Variants in NOXRED1 observed in about 807,000 individuals in gnomAD.
NOXRED1 encodes NADP-dependent oxidoreductase domain-containing protein 1.
NOXRED1 carries 20 observed loss-of-function variants against 30.4 expected under a neutral mutation model. That is an observed-to-expected ratio of 0.66 (90% CI 0.46 to 0.96). The LOEUF (loss-of-function observed/expected upper bound fraction) is 0.96, where lower values mean the gene tolerates loss of function less well. Among genes scored for constraint, NOXRED1 ranks in the 40% least tolerant of loss-of-function variants. The probability of loss-of-function intolerance (pLI) is 0.00; values close to 1 mark genes in which losing one functional copy is unlikely to be tolerated. For synonymous variants in NOXRED1, 155 were observed against 168.0 expected (o/e 0.92, Z 0.60); for missense variants, 374 against 428.0 (o/e 0.87, Z 1.11).
rs1415355841 is a variant in NOXRED1 at position 77,414,095 on chromosome 14, T to G, written c.188A>C (p.His63Pro). 2 of 1,600,438 alleles carry G rather than the reference T, an allele frequency of 1.2e-6. No individual in the cohort carries two copies. The highest frequency in any genetic ancestry group is 1.7e-6 in the Non-Finnish European group (2 of 1,169,612). ...ASLNKNQSSR[H>P]LSIGSLNSAT... ...TGAATTAAGGGAGCCAATTGAGAGA[T>G]GTCTGGAACTTTGATTCTTATTTAA... is the stretch of plus-strand genomic sequence containing the variant. The change falls in exon 2 of 6, where the codon CAT becomes CCT. Residue 63 changes from histidine (H) to proline (P), a missense_variant. Transcript: ENST00000380835.
chr14:77,394,700 G>C lies in NOXRED1; in HGVS notation c.1011C>G (p.Tyr337Ter). 6.2e-7 allele frequency: 1 copy of C among 1,613,382 alleles called. No homozygotes were observed. The highest frequency in any genetic ancestry group is 8.5e-7 in the Non-Finnish European group (1 of 1,179,310). ...TTAGGGAGATGCCAAATGAAGCACA[G>C]TATAGATGGGTAAGGTGGTCTTGGA... ...PVLQDHLTHLYCASFGISLTK... is the reference protein window; with the variant it reads ...PVLQDHLTHL The change falls in exon 6 of 6, where the codon TAC becomes TAG. Residue 337 changes from tyrosine to a stop codon, truncating the protein, a stop_gained. Coordinates refer to ENST00000380835, the MANE Select transcript of NOXRED1 (RefSeq NM_001113475.3). LOFTEE classifies it low-confidence loss of function (END_TRUNC).
At chr14:77,421,742 G>C (rs914942550) in intron 1 of NOXRED1, among the ~76,000 whole-genome samples, 2 of 152,140 alleles carry the variant, frequency 1.3e-5, no homozygotes, top group Non-Finnish European at 2.9e-5. Flanking sequence ...GTATACTTTC[G>C]TTGCTATATG....
chr14:77,406,590 TACACACAC>T lies in NOXRED1; in HGVS notation c.682+126_682+133del, dbSNP rs56942412. ...AGCTCTCCTGCAGTACCTTGTGCCTTACACACACACACACACACACACACACACACACA... is the reference window on the plus strand; with the variant it reads ...AGCTCTCCTGCAGTACCTTGTGCCTTACACACACACACACACACACACACA... On this transcript the variant is annotated intron_variant, in intron 4 of 5. Transcript: ENST00000380835. 4,234 of 771,468 alleles carry T rather than the reference TACACACAC, an allele frequency of 5.5e-3. 7 individuals are homozygous for T. Among genetic ancestry groups the T allele is most frequent in the East Asian group, 0.017 (652 of 38,844 alleles). The allele number at this position is 771,468 out of a possible 1,614,324, so 47.8% of individuals were successfully genotyped here. A position where few individuals can be genotyped will look rare whatever the true frequency, so the allele number is the denominator to read the frequency against.
intron 5 of NOXRED1, among the ~76,000 whole-genome samples, chr14:77,403,395 T>A (rs1894376634): frequency 6.6e-6 from 1 of 152,184 alleles, no homozygotes; most frequent in African/African-American, 2.4e-5. Context: ...ATAGCTAATC[T>A]TTTCTCATAC....
At chr14:77,416,343 C>T (rs1894819096) in intron 1 of NOXRED1, among the ~76,000 whole-genome samples, 2 of 152,162 alleles carry the variant, frequency 1.3e-5, no homozygotes, top group South Asian at 2.1e-4. Context: ...GGCAGAGGAC[C>T]TTGCGGCCTT....
intron 1 of NOXRED1, among the ~76,000 whole-genome samples, chr14:77,415,438 T>A (rs1261241803): frequency 6.6e-6 from 1 of 152,014 alleles, no homozygotes; most frequent in Non-Finnish European, 1.5e-5. Context: ...AGCATGATGG[T>A]GTAAACCTGT....
At chr14:77,404,563 G>A (rs1894408163) in intron 5 of NOXRED1, among the ~76,000 whole-genome samples, 1 of 152,098 alleles carries the variant, frequency 6.6e-6, no homozygotes, top group Non-Finnish European at 1.5e-5. Flanking sequence ...GTGAAAAGAT[G>A]GGAACCTAAG....
At chr14:77,406,590 T>TACACAC (rs56942412) in intron 4 of NOXRED1, 134 bp downstream of exon 4, 258 of 773,588 alleles carry the variant, frequency 3.3e-4, no homozygotes, top group African/African-American at 2.2e-3. Flanking sequence ...CCTTGTGCCT[T>TACACAC]ACACACACAC....
intron 5 of NOXRED1, among the ~76,000 whole-genome samples, chr14:77,405,600 T>C (rs1894435901): frequency 6.6e-6 from 1 of 152,110 alleles, no homozygotes; most frequent in South Asian, 2.1e-4. Flanking sequence ...ATACAGTAAG[T>C]AAAAAAGCAG....
chr14:77,405,992 T>C lies in NOXRED1; in HGVS notation c.826A>G (p.Lys276Glu), dbSNP rs1894446794. 4.3e-6 allele frequency: 7 copies of C among 1,613,826 alleles called. No individual in the cohort carries two copies. Among genetic ancestry groups the C allele is most frequent in the Non-Finnish European group, 5.9e-6 (7 of 1,179,804 alleles). ...AACTTTGGGCAAGATGCTGTGTCTT[T>C]CCCACAGTCTTCAAAGTGCACGGAG... The part of the protein sequence containing the change: ...FLSVHFEDCG[K>E]DTASCPKLQL... The change falls in exon 5 of 6, where the codon AAA becomes GAA. Residue 276 changes from lysine to glutamate, a missense_variant. Lys to Glu is a moderately conservative substitution (Grantham distance 56, BLOSUM62 1). Coordinates refer to ENST00000380835, the MANE Select transcript of NOXRED1 (RefSeq NM_001113475.3).
chr14:77,416,990 T>C (rs1894846019), intron 1 of NOXRED1, among the ~76,000 whole-genome samples: 1 of 152,256 alleles, frequency 6.6e-6, no homozygotes, highest in African/African-American at 2.4e-5. Context: ...AGTTTTGGTA[T>C]GTTGTTTTCA....
chr14:77,410,670 A>T (rs917096893), intron 2 of NOXRED1, among the ~76,000 whole-genome samples: 2 of 152,180 alleles, frequency 1.3e-5, no homozygotes, highest in African/African-American at 4.8e-5. Context: ...TAAGAAAAAT[A>T]CAGGCACACC....
chr14:77,395,013 T>C (rs12881960), intron 5 of NOXRED1, among the ~76,000 whole-genome samples: 23,846 of 152,180 alleles, frequency 0.16, 2,338 homozygotes, highest in Middle Eastern at 0.27. Context: ...CTTATGTACA[T>C]TTCTCTAAGT....
chr14:77,403,984 T>A (rs959098935), intron 5 of NOXRED1, among the ~76,000 whole-genome samples: 1 of 152,216 alleles, frequency 6.6e-6, no homozygotes, highest in Non-Finnish European at 1.5e-5. Flanking sequence ...CAGGGTGGTA[T>A]GGCTGTAGAT....
intron 1 of NOXRED1, among the ~76,000 whole-genome samples, chr14:77,414,988 G>T (rs916999720): frequency 2.6e-5 from 4 of 151,476 alleles, no homozygotes; most frequent in South Asian, 2.1e-4. Flanking sequence ...ACCAGCCTGG[G>T]CAACATGTAA....
chr14:77,416,987 G>T (rs910105809), intron 1 of NOXRED1, among the ~76,000 whole-genome samples: 1 of 152,142 alleles, frequency 6.6e-6, no homozygotes, highest in Non-Finnish European at 1.5e-5. Context: ...ATAAGTTTTG[G>T]TATGTTGTTT....
chr14:77,401,211 A>T lies in NOXRED1; in HGVS notation c.905+4702T>A, dbSNP rs554631500. Among the ~76,000 whole-genome samples the T allele has an allele frequency of 2.0e-5, 3 of 151,934 alleles. No homozygotes were observed. In the South Asian group the frequency reaches 6.2e-4, roughly 32 times the overall value. On this transcript the variant is annotated intron_variant, in intron 5 of 5. Coordinates refer to ENST00000380835, the MANE Select transcript of NOXRED1 (RefSeq NM_001113475.3). ...AACATGGTGAAACCCCATCTCTACT[A>T]AAATACAAAAATTAGCTGGGCATGG...
intron 5 of NOXRED1, among the ~76,000 whole-genome samples, chr14:77,395,669 G>A (rs937063657): frequency 6.6e-6 from 1 of 151,932 alleles, no homozygotes; most frequent in African/African-American, 2.4e-5. Flanking sequence ...TGGATGTGGA[G>A]GGACACACCT....
chr14:77,406,787 C>G lies in NOXRED1; in HGVS notation c.619G>C (p.Gly207Arg), dbSNP rs759377395. 1.2e-6 allele frequency: 2 copies of G among 1,613,876 alleles called. No homozygotes were observed. The highest frequency in any genetic ancestry group is 3.3e-5 in the Admixed American group (2 of 59,998). The change falls in exon 4 of 6, where the codon GGA becomes CGA. Residue 207 changes from glycine (G) to arginine (R), a missense_variant. Gly to Arg is a moderately radical substitution (Grantham distance 125). Coordinates refer to ENST00000380835, the MANE Select transcript of NOXRED1 (RefSeq NM_001113475.3). The part of the protein sequence containing the change: ...DSVSVWGANK[G>R]VIAALQDPTI... ...GGATCTTGGAGAGCAGCTATGACTC[C>G]CTTATTGGCCCCCCAGACGCTGACA...
Sources: gnomAD v4.1 joint callset for allele counts (sites outside exome capture counted in the v4.1 genomes callset) on GRCh38, gnomAD v4.1.1 for gene constraint, MANE v1.5 for transcripts, NCBI Gene and HGNC (gene_info 2026-07-23, HGNC 2026-07-21) for gene names.